The following HPSE2 variants were observed in gnomAD, a reference collection of about 807,000 sequenced individuals.
HPSE2 encodes heparanase 2 (inactive).
In HPSE2, 38 loss-of-function variants were observed where a neutral mutation model predicts 60.5. The observed-to-expected ratio is 0.63, with a 90% confidence interval of 0.48 to 0.82. The LOEUF is 0.82. Ranked by LOEUF, HPSE2 falls within the 40% of genes least tolerant of loss-of-function variation. The pLI is 0.00. For synonymous variants in HPSE2, 295 were observed against 293.2 expected (o/e 1.01, Z -0.06); for missense variants, 713 against 740.4 (o/e 0.96, Z 0.43).
chr10:98,783,109 G>T (rs1381756979), intron 3 of HPSE2, among the ~76,000 whole-genome samples: 1 of 52,760 alleles, frequency 1.9e-5, no homozygotes, highest in Non-Finnish European at 3.7e-5. Context: ...CCCCACCACA[G>T]TCCCCAGAGT....
the HPSE2 span, among the ~76,000 whole-genome samples, chr10:99,269,534 A>G: frequency 3.3e-5 from 5 of 152,214 alleles, no homozygotes; most frequent in Non-Finnish European, 1.5e-5. Context: ...CACTAACAGC[A>G]CTAGACAGGT....
intron 9 of HPSE2, among the ~76,000 whole-genome samples, chr10:98,498,195 A>G (rs1024052497): frequency 2.0e-5 from 3 of 152,186 alleles, no homozygotes; most frequent in Non-Finnish European, 2.9e-5. Flanking sequence ...AAGAACAACC[A>G]GCAATCCTGA....
intron 3 of HPSE2, among the ~76,000 whole-genome samples, chr10:99,123,033 T>C (rs551122840): frequency 3.5e-4 from 53 of 152,274 alleles, no homozygotes; most frequent in African/African-American, 1.2e-3. Flanking sequence ...CAAAAAATGT[T>C]TTAAAAACAG....
At chr10:98,491,911 T>TAGAGGTTGCCAAAATTTA (rs774218755) in intron 9 of HPSE2, among the ~76,000 whole-genome samples, 44 of 152,210 alleles carry the variant, frequency 2.9e-4, no homozygotes, top group Non-Finnish European at 5.0e-4. Flanking sequence ...GTTTTTTGTA[T>TAGAGGTTGCCAAAATTTA]AGAGGTTGCC....
chr10:98,984,716 C>A (rs1253420562), intron 3 of HPSE2, among the ~76,000 whole-genome samples: 8 of 152,098 alleles, frequency 5.3e-5, no homozygotes, highest in Admixed American at 4.6e-4. Flanking sequence ...GAAGTTCGAA[C>A]CCATGGCAAA....
At chr10:98,804,166 T>G (rs1373031596) in intron 3 of HPSE2, among the ~76,000 whole-genome samples, 1 of 152,162 alleles carries the variant, frequency 6.6e-6, no homozygotes. Flanking sequence ...TTTTGTACAT[T>G]GATTTTGTAT....
chr10:99,288,349 A>G, the HPSE2 span, among the ~76,000 whole-genome samples: 2 of 152,154 alleles, frequency 1.3e-5, no homozygotes, highest in African/African-American at 2.4e-5. Context: ...TGTTGTATAT[A>G]TTTATGTACA....
chr10:99,164,601 T>C (rs1190330171), intron 2 of HPSE2, among the ~76,000 whole-genome samples: 1 of 152,044 alleles, frequency 6.6e-6, no homozygotes, highest in African/African-American at 2.4e-5. Context: ...TTCTAGACCC[T>C]CTCAAGTAGA....
At chr10:99,007,822 C>A (rs1300773503) in intron 3 of HPSE2, among the ~76,000 whole-genome samples, 2 of 152,156 alleles carry the variant, frequency 1.3e-5, no homozygotes, top group African/African-American at 4.8e-5. Context: ...AAAGCAGGAG[C>A]AGTGAGGTTA....
chr10:99,215,151 T>C (rs950577706), intron 2 of HPSE2, among the ~76,000 whole-genome samples: 32 of 152,156 alleles, frequency 2.1e-4, no homozygotes, highest in Non-Finnish European at 7.3e-5. Flanking sequence ...CATGCACCCA[T>C]ATGTTTACTG....
intron 3 of HPSE2, among the ~76,000 whole-genome samples, chr10:98,889,782 A>G (rs1418181466): frequency 6.6e-6 from 1 of 152,140 alleles, no homozygotes; most frequent in African/African-American, 2.4e-5. Context: ...ATCATTAACT[A>G]TGGGGTACCT....
intron 9 of HPSE2, among the ~76,000 whole-genome samples, chr10:98,492,336 A>G (rs1219441845): frequency 6.6e-6 from 1 of 152,108 alleles, no homozygotes; most frequent in Non-Finnish European, 1.5e-5. Flanking sequence ...CCCGGTCTCT[A>G]CTAAAAATAC....
chr10:98,544,087 T>A (rs1373067910), intron 9 of HPSE2, among the ~76,000 whole-genome samples: 297 of 151,560 alleles, frequency 2.0e-3, no homozygotes, highest in Non-Finnish European at 3.0e-3. Context: ...GAAGTAAAGC[T>A]CTCCTCAGCA....
chr10:99,201,900 C>T (rs1484716075), intron 2 of HPSE2, among the ~76,000 whole-genome samples: 3 of 152,108 alleles, frequency 2.0e-5, no homozygotes, highest in African/African-American at 4.8e-5. Context: ...AAGATGAACA[C>T]GACGCCATAC....
At chr10:99,009,776 A>G (rs1179860386) in intron 3 of HPSE2, among the ~76,000 whole-genome samples, 1 of 152,256 alleles carries the variant, frequency 6.6e-6, no homozygotes, top group East Asian at 1.9e-4. Flanking sequence ...GCACCAAAAT[A>G]GAGTTGCTCA....
chr10:98,854,188 G>T (rs1322684124), intron 3 of HPSE2, among the ~76,000 whole-genome samples: 1 of 151,872 alleles, frequency 6.6e-6, no homozygotes, highest in Non-Finnish European at 1.5e-5. Context: ...TACTTATATT[G>T]CATGTTTCAC....
chr10:99,181,126 C>T (rs1175792712), intron 2 of HPSE2, among the ~76,000 whole-genome samples: 5 of 151,628 alleles, frequency 3.3e-5, no homozygotes, highest in East Asian at 1.9e-4. Flanking sequence ...CGGCCGGGCG[C>T]GGTGGCTCAC....
At chr10:98,795,705 G>A (rs549877492) in intron 3 of HPSE2, among the ~76,000 whole-genome samples, 1 of 152,194 alleles carries the variant, frequency 6.6e-6, no homozygotes, top group South Asian at 2.1e-4. Flanking sequence ...GGTGGCTAAG[G>A]GAGTGCTTGT....
At chr10:99,094,469 A>T (rs1414193356) in intron 3 of HPSE2, among the ~76,000 whole-genome samples, 1 of 138,898 alleles carries the variant, frequency 7.2e-6, no homozygotes, top group Non-Finnish European at 1.5e-5. Flanking sequence ...AGAAGTCATG[A>T]TGTCATGAAT....
Sources: allele counts gnomAD v4.1 joint callset (sites outside exome capture counted in the v4.1 genomes callset), GRCh38; gene constraint gnomAD v4.1.1; transcripts MANE v1.5; gene names NCBI Gene and HGNC (gene_info 2026-07-23, HGNC 2026-07-21).